LPAR1: variants seen among roughly 807,000 people sequenced by gnomAD.
The protein encoded by LPAR1 is lysophosphatidic acid receptor 1.
A neutral mutation model predicts 23.8 loss-of-function variants in LPAR1; 5 were observed. That is an observed-to-expected ratio of 0.21 (90% CI 0.11 to 0.44). The LOEUF (loss-of-function observed/expected upper bound fraction) is 0.44. Ranked by LOEUF, LPAR1 falls within the 20% of genes least tolerant of loss-of-function variation. The pLI is 0.99. For missense variants in LPAR1, 311 were observed against 482.8 expected (o/e 0.64, Z 3.33); for synonymous variants, 160 against 164.7 (o/e 0.97, Z 0.22).
chr9:111,012,178 G>A (rs1044656833), intron 2 of LPAR1, among the ~76,000 whole-genome samples: 1 of 152,084 alleles, frequency 6.6e-6, no homozygotes, highest in African/African-American at 2.4e-5. Context: ...TTGAGCCTAG[G>A]AGTTCAAGGC....
chr9:110,947,140 T>C lies in LPAR1; in HGVS notation c.46-4972A>G, dbSNP rs56846234. Among the ~76,000 whole-genome samples the C allele has an allele frequency of 2.3e-3, 352 of 152,314 alleles. 2 individuals carry two copies. The highest frequency in any genetic ancestry group is 8.2e-3 in the African/African-American group (339 of 41,586). On this transcript the variant is annotated intron_variant, in intron 4 of 5. Coordinates refer to ENST00000683809, the MANE Select transcript of LPAR1 (RefSeq NM_001351411.2). ...AAATTTATGTAGGTGAGATTATAGA[T>C]GATTTTTTCATCTTTAGAAAGTAGC...
chr9:110,944,485 A>T (rs2095302543), intron 4 of LPAR1, among the ~76,000 whole-genome samples: 3 of 152,212 alleles, frequency 2.0e-5, no homozygotes, highest in Admixed American at 2.0e-4. Flanking sequence ...TGTTCTTTTC[A>T]TTAGTCTCTA....
intron 5 of LPAR1, among the ~76,000 whole-genome samples, chr9:110,897,987 A>G (rs1445407438): frequency 1.3e-5 from 2 of 152,216 alleles, no homozygotes; most frequent in African/African-American, 2.4e-5. Context: ...AAAAACAGTG[A>G]GCTCAAGAAA....
intron 5 of LPAR1, among the ~76,000 whole-genome samples, chr9:110,933,433 T>C (rs938674901): frequency 6.6e-6 from 1 of 152,204 alleles, no homozygotes; most frequent in Non-Finnish European, 1.5e-5. Context: ...GTATGTGCTT[T>C]ACATAAATCA....
Position 110,964,712 on chromosome 9 carries a change from TA to T in LPAR1, c.45+7360del, listed in dbSNP as rs374815643. On this transcript the variant is annotated intron_variant, in intron 4 of 5. Transcript: ENST00000683809. ...TTAATGTGAAATTCAGTTGCTTTGA[TA>T]AAAAAAAAATCCACTTTCTAATAAC... Among the ~76,000 whole-genome samples, 663 of 148,820 alleles carry T rather than the reference TA, an allele frequency of 4.5e-3. 6 individuals are homozygous for T. Among genetic ancestry groups the T allele is most frequent in the African/African-American group, 0.015 (592 of 40,534 alleles).
intron 5 of LPAR1, among the ~76,000 whole-genome samples, chr9:110,930,417 G>C (rs957558267): frequency 1.3e-5 from 2 of 152,096 alleles, no homozygotes; most frequent in African/African-American, 4.8e-5. Flanking sequence ...GCTGAGGCAA[G>C]AGAATCACTT....
At chr9:110,997,139 G>C (rs1232684586) in intron 2 of LPAR1, among the ~76,000 whole-genome samples, 1 of 152,188 alleles carries the variant, frequency 6.6e-6, no homozygotes, top group African/African-American at 2.4e-5. Flanking sequence ...GTCTATGAAA[G>C]GAAGGATGAT....
chr9:110,906,884 TAAGGATG>T (rs2091369166), intron 5 of LPAR1, among the ~76,000 whole-genome samples: 2 of 147,400 alleles, frequency 1.4e-5, no homozygotes, highest in Admixed American at 1.4e-4. Context: ...AAGGCCAACT[TAAGGATG>T]AAGGAAGTTT....
At chr9:111,000,158 ATTCTCCCT>A (rs1308890472) in intron 2 of LPAR1, among the ~76,000 whole-genome samples, 1 of 152,174 alleles carries the variant, frequency 6.6e-6, no homozygotes, top group Non-Finnish European at 1.5e-5. Flanking sequence ...TAACACTGCT[ATTCTCCCT>A]TTCTCTTACC....
intron 4 of LPAR1, among the ~76,000 whole-genome samples, chr9:110,943,253 A>G (rs2095237148): frequency 6.6e-6 from 1 of 151,320 alleles, no homozygotes; most frequent in Non-Finnish European, 1.5e-5. Context: ...GACCCCTAAA[A>G]TTAAAAAATA....
At chr9:110,902,365 G>A (rs938411742) in intron 5 of LPAR1, among the ~76,000 whole-genome samples, 16 of 152,064 alleles carry the variant, frequency 1.1e-4, no homozygotes, top group Admixed American at 8.5e-4. Flanking sequence ...GAATCATGGG[G>A]GTGGATACCC....
intron 2 of LPAR1, among the ~76,000 whole-genome samples, chr9:111,033,544 T>C (rs1011942713): frequency 1.3e-5 from 2 of 152,310 alleles, no homozygotes; most frequent in Admixed American, 1.3e-4. Context: ...ACCTTCTTTT[T>C]CTTTTTCTTT....
intron 4 of LPAR1, among the ~76,000 whole-genome samples, chr9:110,967,200 A>C (rs959188834): frequency 1.3e-5 from 2 of 152,204 alleles, no homozygotes; most frequent in East Asian, 3.9e-4. Context: ...CTTAGTATTC[A>C]TCACCTAGCT....
intron 4 of LPAR1, among the ~76,000 whole-genome samples, chr9:110,963,808 T>C (rs1210394983): frequency 6.6e-6 from 1 of 152,220 alleles, no homozygotes; most frequent in African/African-American, 2.4e-5. Flanking sequence ...CCACACTGTA[T>C]GTTATTTGAA....
At chr9:110,965,345 C>T (rs1251462790) in intron 4 of LPAR1, among the ~76,000 whole-genome samples, 1 of 152,134 alleles carries the variant, frequency 6.6e-6, no homozygotes, top group Non-Finnish European at 1.5e-5. Flanking sequence ...AGGCAACCTA[C>T]AGAATGGGAG....
intron 2 of LPAR1, among the ~76,000 whole-genome samples, chr9:111,033,839 C>T (rs778270643): frequency 1.3e-5 from 2 of 152,210 alleles, no homozygotes; most frequent in African/African-American, 2.4e-5. Flanking sequence ...AGGCATGAGC[C>T]GCCGTGCCCA....
chr9:110,888,786 G>C (rs1445632268), intron 5 of LPAR1, among the ~76,000 whole-genome samples: 1 of 152,136 alleles, frequency 6.6e-6, no homozygotes, highest in Non-Finnish European at 1.5e-5. Context: ...GGAGATCATA[G>C]ACACATTTTG....
chr9:110,951,515 A>G (rs1019266204), intron 4 of LPAR1, among the ~76,000 whole-genome samples: 2 of 152,208 alleles, frequency 1.3e-5, no homozygotes, highest in Non-Finnish European at 2.9e-5. Context: ...AAACCTTAAG[A>G]GCCAATAATC....
At chr9:110,976,843 T>C (rs543372333) in intron 2 of LPAR1, among the ~76,000 whole-genome samples, 2 of 152,324 alleles carry the variant, frequency 1.3e-5, no homozygotes, top group South Asian at 2.1e-4. Context: ...TATTGGATCA[T>C]TCATCCATTC....
Sources: gnomAD v4.1 joint callset for allele counts (sites outside exome capture counted in the v4.1 genomes callset) on GRCh38, gnomAD v4.1.1 for gene constraint, MANE v1.5 for transcripts, NCBI Gene and HGNC (gene_info 2026-07-23, HGNC 2026-07-21) for gene names.